Variants in HK2 observed in about 807,000 individuals in gnomAD.
The protein encoded by HK2 is hexokinase 2.
In HK2, 42 loss-of-function variants were observed where a neutral mutation model predicts 92.9. The ratio of observed to expected loss-of-function variants is 0.45; its 90% CI spans 0.35 to 0.58. The LOEUF is 0.58. Among genes scored for constraint, HK2 ranks in the 20% least tolerant of loss-of-function variants. HK2 has a pLI of 0.00. For missense variants in HK2, 978 were observed against 1,245.1 expected, an observed-to-expected ratio of 0.79 and a Z score of 3.23; for synonymous variants, 422 against 468.0, an observed-to-expected ratio of 0.90 and a Z score of 1.27.
At chr2:74,838,603 A>G (rs1304523894) in intron 1 of HK2, among the ~76,000 whole-genome samples, 1 of 150,662 alleles carries the variant, frequency 6.6e-6, no homozygotes, top group Non-Finnish European at 1.5e-5. Context: ...CAGTGGCGCA[A>G]TCTCAGCTCA....
chr2:74,875,211 T>C (rs1689196838), intron 7 of HK2, among the ~76,000 whole-genome samples: 1 of 152,148 alleles, frequency 6.6e-6, no homozygotes. Context: ...ATACAGATCA[T>C]CTCTGGTCTT....
intron 10 of HK2, among the ~76,000 whole-genome samples, chr2:74,881,459 T>G (rs1689389296): frequency 6.6e-6 from 1 of 152,182 alleles, no homozygotes; most frequent in Admixed American, 6.5e-5. Context: ...GCCTAAGGGT[T>G]GAACGAGGAC....
intron 3 of HK2, among the ~76,000 whole-genome samples, chr2:74,870,819 A>C (rs1442210316): frequency 6.6e-6 from 1 of 152,114 alleles, no homozygotes; most frequent in East Asian, 1.9e-4. Flanking sequence ...TTTGCTCTTG[A>C]AAATGTTTTG....
intron 15 of HK2, among the ~76,000 whole-genome samples, chr2:74,887,583 C>T (rs539954243): frequency 6.6e-6 from 1 of 152,090 alleles, no homozygotes; most frequent in African/African-American, 2.4e-5. Context: ...TGTTCCTTCT[C>T]GAGTTGCTTC....
rs778787521 is a variant in HK2 at position 74,867,763 on chromosome 2, C to T, written c.354C>T (p.Ile118=). 5 of 1,614,156 alleles carry T rather than the reference C, an allele frequency of 3.1e-6. No individual in the cohort carries two copies. Among genetic ancestry groups the T allele is most frequent in the Non-Finnish European group, 3.4e-6 (4 of 1,180,012 alleles). The stretch of plus-strand genomic sequence containing the variant: ...AGATCTATGCCATCCCTGAGGACAT[C>T]ATGCGAGGCAGTGGCACCCAGGTAT... ...ENQIYAIPED[I]MRGSGTQLFD... is the part of the protein sequence containing the mutation. The change falls in exon 3 of 18, where the codon ATC becomes ATT. Residue 118 remains isoleucine (I), a synonymous_variant. Transcript: ENST00000290573.
At position 74,886,326 on chromosome 2, in the gene HK2, C is replaced by T. The variant is rs180849514; in HGVS notation, c.1968C>T (p.Asn656=). 51 of 1,614,168 alleles carry T rather than the reference C, an allele frequency of 3.2e-5. No individual in the cohort carries two copies. Among genetic ancestry groups the T allele is most frequent in the East Asian group, 2.9e-4 (13 of 44,872 alleles). ...ACCTGGATGTGGTTGCTGTGGTGAA[C>T]GACACAGTCGGAACTATGATGACCT... ...EFDLDVVAVV[N]DTVGTMMTCG... Residue 656 remains asparagine (N), a synonymous_variant, in exon 14 of 18, where the codon AAC becomes AAT. Transcript: ENST00000290573.
intron 2 of HK2, among the ~76,000 whole-genome samples, chr2:74,863,787 G>T (rs1688887455): frequency 6.6e-6 from 1 of 152,134 alleles, no homozygotes; most frequent in Non-Finnish European, 1.5e-5. Context: ...CAGTTACCTG[G>T]GGCCACTGGA....
At position 74,834,747 on chromosome 2, in the gene HK2, G is replaced by A; in HGVS notation, c.63+104G>A. ...CGGGGACCCGCTTCCTCCCTACTCC[G>A]GGCCTGGGAGCGGAAAAAGTTTGGG... On this transcript the variant is annotated intron_variant, in intron 1 of 17. Transcript: ENST00000290573. This position sits in a 1 kb window ranked among gnomAD's most constrained non-coding sequence, Gnocchi z 4.2. 2 of 1,267,716 alleles carry A rather than the reference G, an allele frequency of 1.6e-6. No individual in the cohort carries two copies. Among genetic ancestry groups the A allele is most frequent in the Non-Finnish European group, 2.3e-6 (2 of 870,748 alleles). 78.5% of individuals were successfully genotyped at this position (1,267,716 alleles called of 1,614,324 possible). A position where few individuals can be genotyped will look rare whatever the true frequency, so the allele number is the denominator to read the frequency against.
At chr2:74,862,881 T>C (rs1182690022) in intron 2 of HK2, among the ~76,000 whole-genome samples, 4 of 152,168 alleles carry the variant, frequency 2.6e-5, no homozygotes, top group Non-Finnish European at 5.9e-5. Context: ...AGGTGCTGAC[T>C]AGAAGGAGGT....
intron 6 of HK2, 42 bp from the exon 7 acceptor site, chr2:74,874,224 G>A (rs1487128078): frequency 3.1e-6 from 5 of 1,612,498 alleles, no homozygotes; most frequent in Non-Finnish European, 3.4e-6. Flanking sequence ...GGTGGGAAGG[G>A]GCCGGAGCAG....
In HK2 at chr2:74,870,270, G is replaced by A. The variant is rs187528693; in HGVS notation, c.376-2030G>A. ...AGTGATCTGCCCGTCTTCGCCTCCC[G>A]AAGTGCTGGGATTACAGGCAGGAGC... On this transcript the variant is annotated intron_variant, in intron 3 of 17. Coordinates refer to ENST00000290573, the MANE Select transcript of HK2 (RefSeq NM_000189.5). Among the ~76,000 whole-genome samples, 1,190 of 152,114 alleles carry A rather than the reference G, an allele frequency of 7.8e-3. 16 individuals are homozygous for A. The highest frequency in any genetic ancestry group is 0.028 in the African/African-American group (1,152 of 41,460).
chr2:74,866,725 G>T (rs1277223945), intron 2 of HK2, among the ~76,000 whole-genome samples: 1 of 152,116 alleles, frequency 6.6e-6, no homozygotes, highest in Non-Finnish European at 1.5e-5. Flanking sequence ...CAGCTTTTCT[G>T]TTGCTTCAGT....
At chr2:74,867,508 A>G (rs774634266) in intron 2 of HK2, 128 bp from the exon 3 acceptor site, 46 of 865,332 alleles carry the variant, frequency 5.3e-5, no homozygotes, top group Middle Eastern at 3.4e-4. Context: ...TAATGTCTGT[A>G]GAGGAGTGAA....
intron 3 of HK2, among the ~76,000 whole-genome samples, chr2:74,868,894 TGCAGGGGCCAG>T (rs1408929819): frequency 6.6e-6 from 1 of 152,224 alleles, no homozygotes; most frequent in Non-Finnish European, 1.5e-5. Flanking sequence ...CCTGACAACA[TGCAGGGGCCAG>T]GCACCTTGCA....
chr2:74,881,264 C>T (rs1689384587), intron 10 of HK2, among the ~76,000 whole-genome samples: 2 of 152,174 alleles, frequency 1.3e-5, no homozygotes, highest in South Asian at 4.1e-4. Context: ...GGTCTTATTC[C>T]AATTCAGAGA....
chr2:74,835,762 G>A (rs1183691555), intron 1 of HK2, among the ~76,000 whole-genome samples: 1 of 152,218 alleles, frequency 6.6e-6, no homozygotes, highest in South Asian at 2.1e-4. Flanking sequence ...CTGGAGGGAG[G>A]TTGTTTTAAG....
Position 74,890,913 on chromosome 2 carries a change from G to C in HK2, c.2726G>C (p.Cys909Ser). ...KGAALITAVA[C>S]RIREAGQR ...GCGGCGCTCATCACTGCTGTGGCCTGCCGCATCCGTGAGGCTGGACAGCGA... is the reference window on the plus strand; with the variant it reads ...GCGGCGCTCATCACTGCTGTGGCCTCCCGCATCCGTGAGGCTGGACAGCGA... The change falls in exon 18 of 18, where the codon TGC becomes TCC. Residue 909 changes from cysteine to serine, a missense_variant. Physicochemically the swap from Cys to Ser is moderately radical, Grantham distance 112 (BLOSUM62 -1). Coordinates refer to ENST00000290573, the MANE Select transcript of HK2 (RefSeq NM_000189.5). 1 of 1,614,222 alleles carries C rather than the reference G, an allele frequency of 6.2e-7. No individual in the cohort carries two copies. The highest frequency in any genetic ancestry group is 8.5e-7 in the Non-Finnish European group (1 of 1,180,050).
chr2:74,888,906 C>T (rs1038329529), intron 16 of HK2, among the ~76,000 whole-genome samples: 4 of 152,040 alleles, frequency 2.6e-5, no homozygotes, highest in South Asian at 2.1e-4. Flanking sequence ...TGAACAGCAG[C>T]GAGAAAATGG....
At chr2:74,885,878 ACACACAC>A (rs1558805557) in intron 13 of HK2, among the ~76,000 whole-genome samples, 8 of 151,486 alleles carry the variant, frequency 5.3e-5, no homozygotes, top group African/African-American at 1.7e-4. Context: ...ACACACACAC[ACACACAC>A]AGTAAAGGAA....
Sources: gnomAD v4.1 joint callset for allele counts (sites outside exome capture counted in the v4.1 genomes callset) on GRCh38, gnomAD v4.1.1 for gene constraint, Gnocchi (gnomAD v3.1) non-coding constraint, MANE v1.5 for transcripts, NCBI Gene and HGNC (gene_info 2026-07-23, HGNC 2026-07-21) for gene names.